ZNF469: variants seen among roughly 807,000 people sequenced by gnomAD.
The protein encoded by ZNF469 is zinc finger protein 469.
In ZNF469, 1 loss-of-function variant was observed where a neutral mutation model predicts 1.0. The ratio of observed to expected loss-of-function variants is 1.00; its 90% CI spans 0.35 to 4.73. The LOEUF (loss-of-function observed/expected upper bound fraction) is 4.73, where lower values mean the gene tolerates loss of function less well. Among genes scored for constraint, ZNF469 ranks in the 30% most tolerant of loss-of-function variants. The pLI is 0.16. For synonymous variants in ZNF469, 2,703 were observed against 2,363.4 expected, an observed-to-expected ratio of 1.14 and a Z score of -4.17; for missense variants, 6,100 against 5,356.3, an observed-to-expected ratio of 1.14 and a Z score of -4.33.
the ZNF469 span, among the ~76,000 whole-genome samples, chr16:88,160,103 C>A: frequency 6.6e-6 from 1 of 152,186 alleles, no homozygotes; most frequent in Admixed American, 6.5e-5. Context: ...ATGCAGCTTT[C>A]ATCAGTCCCA....
the ZNF469 span, among the ~76,000 whole-genome samples, chr16:88,315,410 G>C: frequency 6.6e-6 from 1 of 152,272 alleles, no homozygotes; most frequent in Admixed American, 6.5e-5. Context: ...TCGCTGCCAG[G>C]CCACGCACGC....
chr16:88,272,895 C>T, the ZNF469 span, among the ~76,000 whole-genome samples: 4 of 132,430 alleles, frequency 3.0e-5, no homozygotes, highest in Non-Finnish European at 4.7e-5. Context: ...GACGAGTGGA[C>T]GGGTGGATGA....
chr16:88,128,187 T>G, the ZNF469 span, among the ~76,000 whole-genome samples: 1 of 151,374 alleles, frequency 6.6e-6, no homozygotes, highest in African/African-American at 2.4e-5. Context: ...CCGCTGAGGA[T>G]GGGTGGCCCC....
chr16:88,380,934 ACTCACACACAGACACGCC>A (rs1041117028), upstream of ZNF469, among the ~76,000 whole-genome samples: 4 of 145,180 alleles, frequency 2.8e-5, no homozygotes, highest in Non-Finnish European at 6.0e-5. Flanking sequence ...ACAGACACGC[ACTCACACACAGACACGCC>A]CTCACACACA....
chr16:88,207,499 G>A, the ZNF469 span, among the ~76,000 whole-genome samples: 1 of 149,502 alleles, frequency 6.7e-6, no homozygotes, highest in Non-Finnish European at 1.5e-5. Flanking sequence ...CAGTGGAGCC[G>A]CCAGCTGTCC....
the ZNF469 span, among the ~76,000 whole-genome samples, chr16:88,120,499 G>T: frequency 6.6e-6 from 1 of 152,264 alleles, no homozygotes; most frequent in Non-Finnish European, 1.5e-5. Flanking sequence ...CGTGGGTGGT[G>T]TTACTGTGAC....
Position 88,435,517 on chromosome 16 carries a change from G to C in ZNF469, c.8047G>C (p.Gly2683Arg). 6.5e-7 allele frequency: 1 copy of C among 1,549,448 alleles called. No individual in the cohort carries two copies. Among genetic ancestry groups the C allele is most frequent in the Non-Finnish European group, 8.7e-7 (1 of 1,146,982 alleles). The change falls in exon 3 of 3, where the codon GGA (glycine) becomes CGA (arginine). Residue 2683 changes from glycine (G) to arginine (R), a missense_variant. By Grantham distance (125) the Gly-to-Arg change is moderately radical (BLOSUM62 -2). Coordinates refer to ENST00000565624, the MANE Select transcript of ZNF469 (RefSeq NM_001367624.2). ...TCCGAGCCACTGCCTCTCTGTGGAAGGAGGGCCTGAGGCTGACGGGGAGCA... is the reference window on the plus strand; with the variant it reads ...TCCGAGCCACTGCCTCTCTGTGGAACGAGGGCCTGAGGCTGACGGGGAGCA... ...ASPSHCLSVE[G>R]GPEADGEQPP...
At chr16:88,324,142 G>T in the ZNF469 span, among the ~76,000 whole-genome samples, 1 of 152,212 alleles carries the variant, frequency 6.6e-6, no homozygotes, top group Non-Finnish European at 1.5e-5. Flanking sequence ...GCCTCCCCAC[G>T]GGGCCTGTTC....
chr16:88,347,156 C>T, the ZNF469 span, among the ~76,000 whole-genome samples: 1 of 152,142 alleles, frequency 6.6e-6, no homozygotes, highest in African/African-American at 2.4e-5. Flanking sequence ...GCCGGCCCTA[C>T]CTCCTTCCCA....
At chr16:88,312,397 G>A in the ZNF469 span, among the ~76,000 whole-genome samples, 1 of 152,176 alleles carries the variant, frequency 6.6e-6, no homozygotes, top group East Asian at 1.9e-4. Flanking sequence ...TCTCTTGACG[G>A]GTTGGTCTGT....
At chr16:88,294,470 C>T in the ZNF469 span, among the ~76,000 whole-genome samples, 1 of 152,200 alleles carries the variant, frequency 6.6e-6, no homozygotes, top group Non-Finnish European at 1.5e-5. Context: ...TGGCACTTTG[C>T]TGGGTTCCTG....
the ZNF469 span, among the ~76,000 whole-genome samples, chr16:88,208,777 G>GCACACA: frequency 4.1e-4 from 53 of 130,046 alleles, no homozygotes; most frequent in African/African-American, 1.5e-3. Context: ...GCGCGTGCGC[G>GCACACA]CGCACACACA....
chr16:88,329,397 G>A, the ZNF469 span, among the ~76,000 whole-genome samples: 33 of 152,222 alleles, frequency 2.2e-4, no homozygotes, highest in African/African-American at 8.0e-4. Flanking sequence ...CCCACCAACC[G>A]CACATCGCTG....
At chr16:88,210,121 G>A in the ZNF469 span, among the ~76,000 whole-genome samples, 2 of 152,164 alleles carry the variant, frequency 1.3e-5, no homozygotes, top group African/African-American at 4.8e-5. Flanking sequence ...ATGTAGCTCT[G>A]ATTGACATTT....
chr16:88,139,810 A>C, the ZNF469 span, among the ~76,000 whole-genome samples: 31 of 152,348 alleles, frequency 2.0e-4, no homozygotes, highest in African/African-American at 7.5e-4. Flanking sequence ...TCGACACCTG[A>C]GTCTGGTGAC....
the ZNF469 span, among the ~76,000 whole-genome samples, chr16:88,318,668 C>T: frequency 1.3e-5 from 2 of 152,028 alleles, no homozygotes; most frequent in South Asian, 2.1e-4. Flanking sequence ...TGGCCTGTGC[C>T]GTGGGGAGAG....
the ZNF469 span, among the ~76,000 whole-genome samples, chr16:88,102,523 CAAAA>C: frequency 1.3e-5 from 2 of 152,210 alleles, no homozygotes; most frequent in African/African-American, 4.8e-5. Context: ...ACAAAACAAA[CAAAA>C]ACAAACAAAC....
the ZNF469 span, among the ~76,000 whole-genome samples, chr16:88,197,124 G>A: frequency 6.6e-6 from 1 of 152,154 alleles, no homozygotes; most frequent in Non-Finnish European, 1.5e-5. Context: ...CTTCATCACC[G>A]AGGCCATCAC....
chr16:88,330,785 C>T, the ZNF469 span, among the ~76,000 whole-genome samples: 1 of 152,222 alleles, frequency 6.6e-6, no homozygotes, highest in South Asian at 2.1e-4. Flanking sequence ...CCGCATGCTA[C>T]CTGTTTGCCA....
Sources: allele counts gnomAD v4.1 joint callset (sites outside exome capture counted in the v4.1 genomes callset), GRCh38; gene constraint gnomAD v4.1.1; transcripts MANE v1.5; gene names NCBI Gene and HGNC (gene_info 2026-07-23, HGNC 2026-07-21).